Variants in DPF2 observed in about 807,000 individuals in gnomAD.
DPF2 encodes double PHD fingers 2.
DPF2 carries 10 observed loss-of-function variants against 59.6 expected under a neutral mutation model. That is an observed-to-expected ratio of 0.17 (90% CI 0.10 to 0.28). DPF2 has a LOEUF of 0.28. DPF2 is among the 10% of genes least tolerant of loss of function. The pLI is 1.00. For synonymous variants in DPF2, 189 were observed against 190.6 expected (o/e 0.99, Z 0.07); for missense variants, 315 against 509.4 (o/e 0.62, Z 3.67).
intron 1 of DPF2, among the ~76,000 whole-genome samples, chr11:65,338,141 C>A (rs1317984802): frequency 5.3e-5 from 8 of 152,052 alleles, no homozygotes; most frequent in African/African-American, 1.7e-4. Context: ...GAGATGGGAT[C>A]TCACTATGTT....
At chr11:65,342,646 T>G (rs1177433977) in intron 4 of DPF2, among the ~76,000 whole-genome samples, 1 of 152,152 alleles carries the variant, frequency 6.6e-6, no homozygotes, top group Admixed American at 6.5e-5. Flanking sequence ...CCTTTCTCCT[T>G]TAGTCTGTAC....
intron 1 of DPF2, among the ~76,000 whole-genome samples, chr11:65,338,295 C>T (rs1209500715): frequency 6.6e-6 from 1 of 152,166 alleles, no homozygotes; most frequent in African/African-American, 2.4e-5. Flanking sequence ...GTTCTCTCTT[C>T]ATGAGATTCT....
chr11:65,341,719 A>G lies in DPF2; in HGVS notation c.465+157A>G, dbSNP rs558478719. On this transcript the variant is annotated intron_variant, in intron 4 of 10. Coordinates refer to ENST00000528416, the MANE Select transcript of DPF2 (RefSeq NM_006268.5). ...CTTCAGTCCCTGATTATTGTCAGGT[A>G]CTGACTGGCTTCTCTGTTGCTTCTA... The G allele has an allele frequency of 1.9e-5, 19 of 977,002 alleles. No individual in the cohort carries two copies. The East Asian group carries it at 2.1e-4, about 11-fold the overall frequency. 60.5% of individuals were successfully genotyped at this position (977,002 alleles called of 1,614,324 possible).
At position 65,340,377 on chromosome 11, in the gene DPF2, C is replaced by T. The variant is rs1854328315; in HGVS notation, c.33-8C>T. On this transcript the variant is annotated splice_polypyrimidine_tract_variant and splice_region_variant and intron_variant, in intron 1 of 10. Transcript: ENST00000528416. ...AACATACACGCCTGATTTCTATCTTCCCTGCAGCCTTGGGGAGCAGTACTA... is the reference window on the plus strand; with the variant it reads ...AACATACACGCCTGATTTCTATCTTTCCTGCAGCCTTGGGGAGCAGTACTA... The T allele has an allele frequency of 6.2e-7, 1 of 1,613,666 alleles. No individual in the cohort carries two copies. Among genetic ancestry groups the T allele is most frequent in the East Asian group, 2.2e-5 (1 of 44,880 alleles).
rs371983211 is a variant in DPF2 at position 65,340,346 on chromosome 11, C to A, written c.33-39C>A. 1.6e-5 allele frequency: 26 copies of A among 1,605,570 alleles called. No homozygotes were observed. The East Asian group carries it at 4.9e-4, about 30-fold the overall frequency. On this transcript the variant is annotated intron_variant, in intron 1 of 10. Transcript: ENST00000528416. ...GAATAGCTCAGCACCCTATGCCCCC[C>A]GCTCCAACATACACGCCTGATTTCT... is the stretch of plus-strand genomic sequence containing the variant.
rs1313166776 is a variant in DPF2, at chr11:65,354,211, G to A, written c.*2452G>A. On this transcript the variant is annotated 3_prime_UTR_variant, in exon 11 of 11. Transcript: ENST00000528416. ...GAACGATGCCAGATCTTGAGTTTAAGAACTTGAATCTTGTAAAGTACCAAA... is the reference window on the plus strand; with the variant it reads ...GAACGATGCCAGATCTTGAGTTTAAAAACTTGAATCTTGTAAAGTACCAAA... Among the ~76,000 whole-genome samples, 1 of 152,212 alleles carries A rather than the reference G, an allele frequency of 6.6e-6. No homozygotes were observed. Among genetic ancestry groups the A allele is most frequent in the East Asian group, 1.9e-4 (1 of 5,196 alleles).
chr11:65,334,081 G>A (rs1437310964), intron 1 of DPF2, among the ~76,000 whole-genome samples, 163 bp downstream of exon 1: 2 of 152,262 alleles, frequency 1.3e-5, no homozygotes, highest in Non-Finnish European at 2.9e-5. Flanking sequence ...AGAAGACGTT[G>A]CGCTTCTTTG....
chr11:65,348,249 C>T (rs1315300257), intron 9 of DPF2: 1 of 152,258 alleles, frequency 6.6e-6, no homozygotes, highest in Non-Finnish European at 1.5e-5. Context: ...CACACCACCG[C>T]ACTCTAGCCT....
At chr11:65,337,541 AGAGAG>A (rs1854231789) in intron 1 of DPF2, among the ~76,000 whole-genome samples, 1 of 137,262 alleles carries the variant, frequency 7.3e-6, no homozygotes, top group Admixed American at 7.4e-5. Flanking sequence ...AGAGAGAGAG[AGAGAG>A]AACAATGTTA....
At position 65,340,290 on chromosome 11, in the gene DPF2, G is replaced by A. The variant is rs1854324392; in HGVS notation, c.33-95G>A. On this transcript the variant is annotated intron_variant, in intron 1 of 10. Transcript: ENST00000528416. ...AAGAGACAGCCACCCAGTCCCTTGA[G>A]CCTTCTAGAGAAGCAGATGGCAGGG... 49 of 1,453,480 alleles carry A rather than the reference G, an allele frequency of 3.4e-5. No homozygotes were observed. In the South Asian group the frequency reaches 6.4e-4, roughly 19 times the overall value. The allele number at this position is 1,453,480 out of a possible 1,614,324, so 90.0% of individuals were successfully genotyped here.
intron 9 of DPF2, chr11:65,347,279 G>T (rs1854563348): frequency 6.6e-6 from 1 of 152,134 alleles, no homozygotes; most frequent in African/African-American, 2.4e-5. Context: ...CTCCCAAAGT[G>T]CTGGGATTAT....
At chr11:65,343,299 CA>C (rs529933254) in intron 4 of DPF2, among the ~76,000 whole-genome samples, 736 of 58,030 alleles carry the variant, frequency 0.013, 2 homozygotes, top group African/African-American at 0.039. Context: ...AACTCTGTCT[CA>C]AAAAAAAAAA....
At chr11:65,344,875 C>T in intron 6 of DPF2, 1 of 523,662 alleles carries the variant, frequency 1.9e-6, no homozygotes, top group Non-Finnish European at 3.4e-6. Flanking sequence ...GAAGCATTAT[C>T]AGGAGCCCAT....
chr11:65,339,988 A>T (rs1590931724), intron 1 of DPF2, among the ~76,000 whole-genome samples: 1 of 152,184 alleles, frequency 6.6e-6, no homozygotes, highest in East Asian at 1.9e-4. Flanking sequence ...TGATTCTAGG[A>T]AAGAGGGAAT....
In DPF2 at chr11:65,340,990, C is replaced by G; in HGVS notation, c.218C>G (p.Ser73Cys). 6.2e-7 allele frequency: 1 copy of G among 1,614,126 alleles called. No homozygotes were observed. Among genetic ancestry groups the G allele is most frequent in the Non-Finnish European group, 8.5e-7 (1 of 1,180,046 alleles). Reference protein sequence around the residue: ...GPGLASGQLYSYPARRWRKKR... With the variant: ...GPGLASGQLYCYPARRWRKKR... ...GGATTGGCCTCCGGACAGCTGTACT[C>G]CTACCCTGCCCGGCGCTGGCGGAAA... is the stretch of plus-strand genomic sequence containing the variant. The change falls in exon 3 of 11, where the codon TCC becomes TGC. Residue 73 changes from serine (S) to cysteine (C), a missense_variant. Around this residue, in one of 4 missense-constraint regions of DPF2, gnomAD observed 228 missense variants for 275.3 expected, o/e 0.83. Coordinates refer to ENST00000528416, the MANE Select transcript of DPF2 (RefSeq NM_006268.5).
chr11:65,337,500 TATATAG>T lies in DPF2; in HGVS notation c.33-2883_33-2878del, dbSNP rs1238757799. Among the ~76,000 whole-genome samples, 316 of 40,252 alleles carry T rather than the reference TATATAG, an allele frequency of 7.9e-3. 1 individual carries two copies. The highest frequency in any genetic ancestry group is 0.017 in the Middle Eastern group (1 of 58). The allele number at this position is 40,252 out of a possible 152,430, so 26.4% of individuals were successfully genotyped here. A position where few individuals can be genotyped will look rare whatever the true frequency, so the allele number is the denominator to read the frequency against. On this transcript the variant is annotated intron_variant, in intron 1 of 10. Coordinates refer to ENST00000528416, the MANE Select transcript of DPF2 (RefSeq NM_006268.5). Reference sequence around the variant, plus strand: ...ATATATATATATATATATATATATATATATAGAGAGAGAGAGAGAGAGAGAGAGAGA... The same window carrying T: ...ATATATATATATATATATATATATATAGAGAGAGAGAGAGAGAGAGAGAGA...
At chr11:65,334,059 A>T in intron 1 of DPF2, 141 bp downstream of exon 1, 1 of 1,239,178 alleles carries the variant, frequency 8.1e-7, no homozygotes, top group Non-Finnish European at 1.1e-6. Context: ...GGAGGGCAAC[A>T]GGAGACTCCG....
chr11:65,340,327 C>G lies in DPF2; in HGVS notation c.33-58C>G, dbSNP rs1435044887. On this transcript the variant is annotated intron_variant, in intron 1 of 10. Coordinates refer to ENST00000528416, the MANE Select transcript of DPF2 (RefSeq NM_006268.5). ...AGCAGATGGCAGGGGAGAGGAATAG[C>G]TCAGCACCCTATGCCCCCCGCTCCA... 4 of 1,589,214 alleles carry G rather than the reference C, an allele frequency of 2.5e-6. No individual in the cohort carries two copies. In the Admixed American group the frequency reaches 6.8e-5, roughly 27 times the overall value.
At position 65,343,813 on chromosome 11, in the gene DPF2, G is replaced by A. The variant is rs780245336; in HGVS notation, c.534G>A (p.Lys178=). The A allele has an allele frequency of 1.3e-6, 2 of 1,588,686 alleles. No homozygotes were observed. Among genetic ancestry groups the A allele is most frequent in the Non-Finnish European group, 1.7e-6 (2 of 1,166,878 alleles). Reference sequence around the variant, plus strand: ...AAGACTATGAAGAAGATACTCCCAAGCGTCGGGGAAAGGGGAAATCCAAGG... The same window carrying A: ...AAGACTATGAAGAAGATACTCCCAAACGTCGGGGAAAGGGGAAATCCAAGG... The part of the protein sequence containing the change: ...DDEDYEEDTP[K]RRGKGKSKGK... Residue 178 remains lysine, a synonymous_variant, in exon 5 of 11, where the codon AAG becomes AAA. Transcript: ENST00000528416.
Sources: gnomAD v4.1 joint callset for allele counts (sites outside exome capture counted in the v4.1 genomes callset) on GRCh38, gnomAD v4.1.1 for gene constraint, gnomAD v4.1.1 regional missense constraint, MANE v1.5 for transcripts, NCBI Gene and HGNC (gene_info 2026-07-23, HGNC 2026-07-21) for gene names.